The following ARSB variants were observed in gnomAD, a reference collection of about 807,000 sequenced individuals.
ARSB encodes the protein arylsulfatase B.
Under a neutral mutation model 50.9 loss-of-function variants are expected in ARSB, and 41 were observed. That is an observed-to-expected ratio of 0.81 (90% confidence interval 0.63 to 1.04). The LOEUF is 1.04. Among genes scored for constraint, ARSB ranks in the 50% least tolerant of loss-of-function variants. ARSB has a pLI of 0.00. For missense variants in ARSB, 672 were observed against 693.3 expected (o/e 0.97, Z 0.35); for synonymous variants, 269 against 284.8 (o/e 0.94, Z 0.56).
intron 7 of ARSB, among the ~76,000 whole-genome samples, chr5:78,781,170 G>C (rs1440043428): frequency 6.6e-6 from 1 of 152,134 alleles, no homozygotes. Flanking sequence ...CTGGTTGAGG[G>C]TGTAGCTCTC....
chr5:78,900,999 T>A (rs1366755078), intron 4 of ARSB, among the ~76,000 whole-genome samples: 1 of 142,398 alleles, frequency 7.0e-6, no homozygotes, highest in African/African-American at 2.6e-5. Flanking sequence ...TGAGCCGAGA[T>A]CGCGCCACTG....
At position 78,885,664 on chromosome 5, in the gene ARSB, CAG is replaced by C. The variant is rs1219483069; in HGVS notation, c.1060_1061del (p.Leu354AlafsTer28). 2 of 1,614,076 alleles carry C rather than the reference CAG, an allele frequency of 1.2e-6. No homozygotes were observed. The highest frequency in any genetic ancestry group is 1.7e-6 in the Non-Finnish European group (2 of 1,180,026). On this transcript the variant is annotated frameshift_variant, in exon 5 of 8. Transcript: ENST00000264914. LOFTEE classifies it high-confidence loss of function. Reference sequence around the variant, plus strand: ...CCCTGGCCAGCTTCACGAGTGTTGGCAGCCAGTCAGAGATGTGGATGAGCTCC... The same window carrying C: ...CCCTGGCCAGCTTCACGAGTGTTGGCCCAGTCAGAGATGTGGATGAGCTCC... Reference protein sequence around the residue: ...NRELIHISDWLPTLVKLARGH... With the variant: ...NRELIHISDWXPTLVKLARGH...
intron 5 of ARSB, among the ~76,000 whole-genome samples, chr5:78,871,406 C>G (rs1306478910): frequency 2.6e-5 from 4 of 151,254 alleles, no homozygotes; most frequent in African/African-American, 9.7e-5. Flanking sequence ...CACTACCTGA[C>G]TTCAAACTAT....
intron 5 of ARSB, among the ~76,000 whole-genome samples, chr5:78,877,916 C>T (rs1747562756): frequency 6.6e-6 from 1 of 152,072 alleles, no homozygotes; most frequent in Admixed American, 6.6e-5. Flanking sequence ...TAAGTAGTTA[C>T]AGGGAGGATA....
chr5:78,865,473 G>C (rs1467710443), intron 5 of ARSB, among the ~76,000 whole-genome samples: 1 of 152,112 alleles, frequency 6.6e-6, no homozygotes, highest in Admixed American at 6.5e-5. Context: ...TTTGCTCCTA[G>C]GCCTCCAGTC....
chr5:78,917,386 T>C (rs1749602316), intron 4 of ARSB, among the ~76,000 whole-genome samples: 1 of 152,246 alleles, frequency 6.6e-6, no homozygotes, highest in African/African-American at 2.4e-5. Flanking sequence ...CTTAATTTTA[T>C]TGAAATTTAT....
chr5:78,886,456 C>T (rs1423963454), intron 4 of ARSB, among the ~76,000 whole-genome samples: 1 of 151,914 alleles, frequency 6.6e-6, no homozygotes, highest in East Asian at 1.9e-4. Flanking sequence ...AAATTTTTCC[C>T]CTCTTGACAG....
intron 6 of ARSB, among the ~76,000 whole-genome samples, chr5:78,792,378 C>CAA (rs1178658652): frequency 5.7e-5 from 6 of 105,502 alleles, no homozygotes; most frequent in Non-Finnish European, 8.1e-5. Flanking sequence ...GAATCTGTCG[C>CAA]AAAAAAAAAA....
intron 6 of ARSB, among the ~76,000 whole-genome samples, chr5:78,825,794 G>A (rs960327863): frequency 2.0e-5 from 3 of 152,012 alleles, no homozygotes; most frequent in Non-Finnish European, 4.4e-5. Context: ...TAAAAGAAAG[G>A]ATCTGAAATG....
At chr5:78,864,205 C>T (rs1226238629) in intron 5 of ARSB, among the ~76,000 whole-genome samples, 1 of 152,018 alleles carries the variant, frequency 6.6e-6, no homozygotes, top group Non-Finnish European at 1.5e-5. Flanking sequence ...TTTCATGCTG[C>T]TGATAAAGAC....
chr5:78,859,581 T>G (rs1746327543), intron 5 of ARSB, among the ~76,000 whole-genome samples: 1 of 152,160 alleles, frequency 6.6e-6, no homozygotes, highest in Non-Finnish European at 1.5e-5. Flanking sequence ...TTTTCACTAA[T>G]GCCAATGCTG....
At chr5:78,919,736 C>T (rs1453508968) in intron 4 of ARSB, among the ~76,000 whole-genome samples, 1 of 152,096 alleles carries the variant, frequency 6.6e-6, no homozygotes, top group Non-Finnish European at 1.5e-5. Flanking sequence ...CATGATCTGC[C>T]CGCCTCGGCC....
rs571181826 is a variant in ARSB, at chr5:78,876,120, G to A, written c.1142+9464C>T. Reference sequence around the variant, plus strand: ...TAATCAAACTTAAGAACTAAGGAAAGTTATAAATAAAAATGTTGGTAACAT... The same window carrying A: ...TAATCAAACTTAAGAACTAAGGAAAATTATAAATAAAAATGTTGGTAACAT... On this transcript the variant is annotated intron_variant, in intron 5 of 7. Transcript: ENST00000264914. 1.2e-3 allele frequency among the ~76,000 whole-genome samples: 175 copies of A among 151,950 alleles called. 2 individuals are homozygous for A. In the Middle Eastern group the frequency reaches 0.014, roughly 12 times the overall value.
chr5:78,975,517 T>C (rs1472376280), intron 1 of ARSB, among the ~76,000 whole-genome samples: 1 of 152,204 alleles, frequency 6.6e-6, no homozygotes, highest in Non-Finnish European at 1.5e-5. Context: ...TCATCTTTCA[T>C]TGCTTCTATT....
At chr5:78,848,747 T>C (rs1311294352) in intron 5 of ARSB, among the ~76,000 whole-genome samples, 1 of 152,240 alleles carries the variant, frequency 6.6e-6, no homozygotes, top group Non-Finnish European at 1.5e-5. Flanking sequence ...TCCTGACTTT[T>C]TAATGATTGC....
chr5:78,980,011 T>G lies in ARSB; in HGVS notation c.312+4926A>C, dbSNP rs566679679. ...TACAACATAGATGAAAGGACATCTA[T>G]TGTATTCCATTTATATGAAATGTCC... On this transcript the variant is annotated intron_variant, in intron 1 of 7. Coordinates refer to ENST00000264914, the MANE Select transcript of ARSB (RefSeq NM_000046.5). Among the ~76,000 whole-genome samples, 318 of 152,314 alleles carry G rather than the reference T, an allele frequency of 2.1e-3. 9 individuals are homozygous for G. In the South Asian group the frequency reaches 0.062, roughly 30 times the overall value.
chr5:78,871,973 AAAAC>A (rs1201740293), intron 5 of ARSB, among the ~76,000 whole-genome samples: 3 of 151,928 alleles, frequency 2.0e-5, no homozygotes, highest in Non-Finnish European at 2.9e-5. Flanking sequence ...TTACAAGAAA[AAAAC>A]AAACAACCCC....
In ARSB at chr5:78,779,099, G is replaced by A. The variant is rs954999507; in HGVS notation, c.*1298C>T. The stretch of plus-strand genomic sequence containing the variant: ...TGTTCCAAGCATTGGTGAACACAAT[G>A]GTGGGGCTAATGCAGAAAAGAGTAT... On this transcript the variant is annotated 3_prime_UTR_variant, in exon 8 of 8. Transcript: ENST00000264914. 2 of 152,164 alleles carry A rather than the reference G, an allele frequency of 1.3e-5. No individual in the cohort carries two copies. The highest frequency in any genetic ancestry group is 2.9e-5 in the Non-Finnish European group (2 of 68,030). The allele number at this position is 152,164 out of a possible 1,614,324, so 9.4% of individuals were successfully genotyped here.
At chr5:78,792,751 T>C (rs999328475) in intron 6 of ARSB, among the ~76,000 whole-genome samples, 3 of 152,062 alleles carry the variant, frequency 2.0e-5, no homozygotes, top group African/African-American at 7.2e-5. Context: ...GGCAAATAGG[T>C]AAAACCAACT....
Sources: allele counts gnomAD v4.1 joint callset (sites outside exome capture counted in the v4.1 genomes callset), GRCh38; gene constraint gnomAD v4.1.1; transcripts MANE v1.5; gene names NCBI Gene and HGNC (gene_info 2026-07-23, HGNC 2026-07-21).